The following MEIG1 variants were observed in gnomAD, a reference collection of about 807,000 sequenced individuals.
MEIG1 encodes the protein meiosis/spermiogenesis associated 1.
MEIG1 carries 12 observed loss-of-function variants against 11.3 expected under a neutral mutation model. That is an observed-to-expected ratio of 1.07 (90% CI 0.68 to 1.73). MEIG1 has a LOEUF of 1.73. MEIG1 is among the 40% of genes most tolerant of loss of function. The pLI, the probability that MEIG1 is intolerant of heterozygous loss-of-function variation, is 0.00. For missense variants in MEIG1, 119 were observed against 104.9 expected, an observed-to-expected ratio of 1.13 and a Z score of -0.59; for synonymous variants, 41 against 33.2, an observed-to-expected ratio of 1.24 and a Z score of -0.81.
upstream of MEIG1, among the ~76,000 whole-genome samples, chr10:14,954,765 A>T (rs1442257026): frequency 6.6e-6 from 1 of 152,092 alleles, no homozygotes; most frequent in Non-Finnish European, 1.5e-5. Flanking sequence ...AAGGTCTAAA[A>T]TTTTTTAACA....
chr10:14,977,397 A>C (rs980483658), downstream of MEIG1, among the ~76,000 whole-genome samples: 2 of 139,992 alleles, frequency 1.4e-5, no homozygotes, highest in Admixed American at 1.4e-4. Context: ...ATGCGTGTAC[A>C]CGTGATATTA....
At chr10:14,976,488 G>C (rs529704945), downstream of MEIG1, among the ~76,000 whole-genome samples, 5 of 152,046 alleles carry the variant, frequency 3.3e-5, no homozygotes, top group Admixed American at 3.3e-4. Flanking sequence ...TAATATCCTA[G>C]AGGGATGTCA....
chr10:14,960,091 C>T (rs1485749517), intron 1 of MEIG1, among the ~76,000 whole-genome samples: 2 of 152,048 alleles, frequency 1.3e-5, no homozygotes, highest in East Asian at 1.9e-4. Flanking sequence ...CCAGCGACAG[C>T]AGACGGGAGT....
At chr10:14,977,142 C>T (rs7912781), downstream of MEIG1, among the ~76,000 whole-genome samples, 93,367 of 151,688 alleles carry the variant, frequency 0.62, 29,489 homozygotes, top group South Asian at 0.75. Flanking sequence ...ATGTCACAGG[C>T]GTGTACAGCC....
At chr10:14,968,352 G>T (rs1843112037) in intron 2 of MEIG1, among the ~76,000 whole-genome samples, 1 of 152,152 alleles carries the variant, frequency 6.6e-6, no homozygotes, top group South Asian at 2.1e-4. Flanking sequence ...GCCGGGCATG[G>T]TGGCATGCAC....
intron 1 of MEIG1, among the ~76,000 whole-genome samples, chr10:14,983,114 G>C (rs1465160040): frequency 6.6e-6 from 1 of 152,052 alleles, no homozygotes; most frequent in Non-Finnish European, 1.5e-5. Flanking sequence ...AATGTTCAGG[G>C]AGGGAGAGAG....
intron 1 of MEIG1, among the ~76,000 whole-genome samples, chr10:14,961,635 CTAA>C (rs1843013735): frequency 2.2e-5 from 1 of 45,160 alleles, no homozygotes; most frequent in Admixed American, 2.7e-4. Flanking sequence ...CCGCATCCGG[CTAA>C]TTTTTTTTTT....
At chr10:14,957,967 T>G (rs1456603711), upstream of MEIG1, among the ~76,000 whole-genome samples, 1 of 152,144 alleles carries the variant, frequency 6.6e-6, no homozygotes, top group East Asian at 1.9e-4. Context: ...TTTAAACAGA[T>G]TGCATTGACT....
At chr10:14,968,791 G>A (rs574667622) in intron 2 of MEIG1, among the ~76,000 whole-genome samples, 10 of 152,098 alleles carry the variant, frequency 6.6e-5, no homozygotes, top group African/African-American at 2.4e-4. Context: ...TTTAAAATAA[G>A]CTTTGGGCTG....
chr10:14,969,623 T>C (rs1045752102), intron 2 of MEIG1, among the ~76,000 whole-genome samples: 2 of 152,090 alleles, frequency 1.3e-5, no homozygotes, highest in Non-Finnish European at 2.9e-5. Flanking sequence ...TCACCTGCAG[T>C]CAGGAGTTAG....
At chr10:14,960,086 G>T (rs1842995014) in intron 1 of MEIG1, among the ~76,000 whole-genome samples, 1 of 152,178 alleles carries the variant, frequency 6.6e-6, no homozygotes, top group Admixed American at 6.5e-5. Flanking sequence ...AACGCCCAGC[G>T]ACAGCAGACG....
chr10:14,968,775 A>G (rs2131270414), intron 2 of MEIG1, among the ~76,000 whole-genome samples: 1 of 152,204 alleles, frequency 6.6e-6, no homozygotes, highest in East Asian at 1.9e-4. Context: ...TATCATTTTT[A>G]TGCTGTTTAA....
intron 1 of MEIG1, among the ~76,000 whole-genome samples, chr10:14,977,878 C>A (rs576712421): frequency 1.1e-3 from 172 of 151,906 alleles, no homozygotes; most frequent in Non-Finnish European, 1.9e-3. Flanking sequence ...TGAGTTTACA[C>A]CCTGTGATAT....
At chr10:14,964,899 T>C (rs1488214841) in intron 1 of MEIG1, among the ~76,000 whole-genome samples, 1 of 151,936 alleles carries the variant, frequency 6.6e-6, no homozygotes, top group Non-Finnish European at 1.5e-5. Context: ...GTGATTGTCA[T>C]GCCTCAGCCT....
chr10:14,985,152 T>C (rs34979239), intron 1 of MEIG1, among the ~76,000 whole-genome samples: 13,756 of 151,758 alleles, frequency 0.091, 788 homozygotes, highest in Middle Eastern at 0.18. Context: ...CACACAGTGA[T>C]AGGAGTTGTA....
intron 2 of MEIG1, among the ~76,000 whole-genome samples, chr10:14,969,717 T>A (rs1415503278): frequency 1.3e-5 from 2 of 151,892 alleles, no homozygotes; most frequent in East Asian, 3.9e-4. Context: ...ACACATGTAA[T>A]CCCAGCTACT....
At chr10:14,976,041 C>T (rs1011814719), downstream of MEIG1, among the ~76,000 whole-genome samples, 1 of 152,148 alleles carries the variant, frequency 6.6e-6, no homozygotes, top group Non-Finnish European at 1.5e-5. Flanking sequence ...ATCCTAATAT[C>T]CAGGGGGGGA....
chr10:14,980,872 A>C (rs1843256212), intron 1 of MEIG1, among the ~76,000 whole-genome samples: 1 of 152,188 alleles, frequency 6.6e-6, no homozygotes. Flanking sequence ...TTCAGGTCCA[A>C]GCAGGTGAAG....
chr10:14,980,750 G>A (rs940636362), intron 1 of MEIG1, among the ~76,000 whole-genome samples: 1 of 152,088 alleles, frequency 6.6e-6, no homozygotes, highest in African/African-American at 2.4e-5. Context: ...TGAACCTTTG[G>A]GGAAGACCGG....
Sources: gnomAD v4.1 joint callset for allele counts (sites outside exome capture counted in the v4.1 genomes callset) on GRCh38, gnomAD v4.1.1 for gene constraint, MANE v1.5 for transcripts, NCBI Gene and HGNC (gene_info 2026-07-23, HGNC 2026-07-21) for gene names.